JARID2: variants seen among roughly 807,000 people sequenced by gnomAD.
The protein encoded by JARID2 is jumonji and AT-rich interaction domain containing 2.
Under a neutral mutation model 125.6 loss-of-function variants are expected in JARID2, and 21 were observed. The observed-to-expected ratio is 0.17, with a 90% CI of 0.12 to 0.24. The LOEUF is 0.24. JARID2 is among the 10% of genes least tolerant of loss of function. The pLI, the probability that JARID2 is intolerant of heterozygous loss-of-function variation, is 1.00. For synonymous variants in JARID2, 736 were observed against 661.6 expected (o/e 1.11, Z -1.73); for missense variants, 1,303 against 1,639.6 (o/e 0.79, Z 3.55).
intron 1 of JARID2, among the ~76,000 whole-genome samples, chr6:15,358,794 G>C (rs1763692697): frequency 6.6e-6 from 1 of 152,206 alleles, no homozygotes; most frequent in Non-Finnish European, 1.5e-5. Flanking sequence ...ACGCGTACCA[G>C]TCTTGATGTT....
rs190175755 is a variant in JARID2, at chr6:15,335,202, C to T, written c.46-38915C>T. ...GCAACCTCCGTCTCGTGGCTTCAAGCGATTCTCATGCCTCAGCCTCCCAAG... is the reference window on the plus strand; with the variant it reads ...GCAACCTCCGTCTCGTGGCTTCAAGTGATTCTCATGCCTCAGCCTCCCAAG... On this transcript the variant is annotated intron_variant, in intron 1 of 17. Coordinates refer to ENST00000341776, the MANE Select transcript of JARID2 (RefSeq NM_004973.4). Among the ~76,000 whole-genome samples the T allele has an allele frequency of 1.9e-3, 293 of 152,282 alleles. 2 individuals carry two copies. The highest frequency in any genetic ancestry group is 6.6e-3 in the African/African-American group (276 of 41,532).
intron 12 of JARID2, chr6:15,509,032 C>T (rs910870968): frequency 7.2e-5 from 93 of 1,289,196 alleles, no homozygotes; most frequent in Non-Finnish European, 8.8e-5. Context: ...TTGGGAATCT[C>T]GTTCCTGCCA....
intron 2 of JARID2, among the ~76,000 whole-genome samples, chr6:15,401,694 A>G (rs568763663): frequency 1.3e-5 from 2 of 152,308 alleles, no homozygotes; most frequent in South Asian, 4.1e-4. Context: ...AATTTCGTGC[A>G]TTAATTCATG....
intron 3 of JARID2, among the ~76,000 whole-genome samples, chr6:15,445,930 G>A (rs969744756): frequency 3.3e-5 from 5 of 152,194 alleles, no homozygotes; most frequent in South Asian, 2.1e-4. Context: ...TATTCTTAAC[G>A]AAACTGAATT....
intron 9 of JARID2, 69 bp from the exon 10 acceptor site, chr6:15,507,067 T>G: frequency 1.0e-6 from 1 of 952,650 alleles, no homozygotes; most frequent in Non-Finnish European, 1.7e-6. Context: ...CCAGTTTTGT[T>G]GGGTTGAACT....
intron 1 of JARID2, among the ~76,000 whole-genome samples, chr6:15,316,106 T>C (rs1762172084): frequency 2.0e-5 from 3 of 152,098 alleles, no homozygotes; most frequent in African/African-American, 7.2e-5. Context: ...TGAAAACATG[T>C]GTGAAATACA....
At chr6:15,406,281 A>G (rs908416487) in intron 2 of JARID2, among the ~76,000 whole-genome samples, 1 of 152,148 alleles carries the variant, frequency 6.6e-6, no homozygotes, top group Non-Finnish European at 1.5e-5. Flanking sequence ...TAAAATTACA[A>G]AAATTAGCTG....
chr6:15,430,730 T>A (rs191363600), intron 3 of JARID2, among the ~76,000 whole-genome samples: 130 of 152,296 alleles, frequency 8.5e-4, no homozygotes, highest in African/African-American at 3.1e-3. Flanking sequence ...TGGGGCATGC[T>A]TTCCAGTCCA....
At chr6:15,464,325 C>T (rs1768604366) in intron 4 of JARID2, among the ~76,000 whole-genome samples, 1 of 152,204 alleles carries the variant, frequency 6.6e-6, no homozygotes, top group Non-Finnish European at 1.5e-5. Flanking sequence ...ATGGCATGTG[C>T]AGCGTTAGAC....
At chr6:15,311,554 G>T (rs1762012233) in intron 1 of JARID2, among the ~76,000 whole-genome samples, 1 of 152,130 alleles carries the variant, frequency 6.6e-6, no homozygotes, top group Admixed American at 6.5e-5. Context: ...CTCCAGCCTG[G>T]GCAACAAGAG....
intron 12 of JARID2, 67 bp from the exon 13 acceptor site, chr6:15,511,229 T>C: frequency 9.3e-7 from 1 of 1,070,658 alleles, no homozygotes; most frequent in Non-Finnish European, 1.5e-6. Context: ...GTGACGGGGG[T>C]GGCCCAGTAC....
chr6:15,350,258 G>T lies in JARID2; in HGVS notation c.46-23859G>T, dbSNP rs532754434. ...GAATCATGATCAATAAGATCTAAGGGACTGGGAAACCAATATGCTGTTATT... is the reference window on the plus strand; with the variant it reads ...GAATCATGATCAATAAGATCTAAGGTACTGGGAAACCAATATGCTGTTATT... On this transcript the variant is annotated intron_variant, in intron 1 of 17. Transcript: ENST00000341776. Among the ~76,000 whole-genome samples, 14 of 152,254 alleles carry T rather than the reference G, an allele frequency of 9.2e-5. No homozygotes were observed. The South Asian group carries it at 2.9e-3, about 32-fold the overall frequency.
chr6:15,272,536 T>G (rs985805399), intron 1 of JARID2, among the ~76,000 whole-genome samples: 1 of 152,248 alleles, frequency 6.6e-6, no homozygotes, highest in Non-Finnish European at 1.5e-5. Flanking sequence ...ACGTATTCAC[T>G]TCTTACCACA....
At chr6:15,282,158 G>C (rs903382507) in intron 1 of JARID2, among the ~76,000 whole-genome samples, 1 of 151,976 alleles carries the variant, frequency 6.6e-6, no homozygotes, top group Non-Finnish European at 1.5e-5. Context: ...GCCCAGGCTG[G>C]TCTTGAACTC....
chr6:15,424,931 C>T lies in JARID2; in HGVS notation c.323+14566C>T, dbSNP rs183792900. On this transcript the variant is annotated intron_variant, in intron 3 of 17. Transcript: ENST00000341776. ...CATAGCATTTATGATGTGCTGTCCACTTCCACTGTTTTACATTCCTTACAT... is the reference window on the plus strand; with the variant it reads ...CATAGCATTTATGATGTGCTGTCCATTTCCACTGTTTTACATTCCTTACAT... Among the ~76,000 whole-genome samples the T allele has an allele frequency of 1.1e-4, 17 of 152,342 alleles. 1 individual carries two copies. The South Asian group carries it at 3.3e-3, about 30-fold the overall frequency.
chr6:15,256,850 A>G (rs531352524), intron 1 of JARID2, among the ~76,000 whole-genome samples: 1 of 152,318 alleles, frequency 6.6e-6, no homozygotes, highest in Non-Finnish European at 1.5e-5. Context: ...ATTGTAGGTC[A>G]ATGTTAATGT....
At chr6:15,425,953 G>A (rs558768561) in intron 3 of JARID2, among the ~76,000 whole-genome samples, 6 of 152,134 alleles carry the variant, frequency 3.9e-5, no homozygotes, top group Admixed American at 3.9e-4. Context: ...GCTTTTCTGG[G>A]TAAGTCAGTC....
chr6:15,425,509 C>G (rs936802298), intron 3 of JARID2, among the ~76,000 whole-genome samples: 2 of 152,122 alleles, frequency 1.3e-5, no homozygotes, highest in African/African-American at 4.8e-5. Flanking sequence ...GTCATGAGGG[C>G]TGCACCCTCT....
chr6:15,421,787 A>T (rs1041765629), intron 3 of JARID2, among the ~76,000 whole-genome samples: 3 of 152,016 alleles, frequency 2.0e-5, no homozygotes, highest in Admixed American at 2.0e-4. Context: ...GTAGGTCTGA[A>T]TTTTCAGGTG....
Sources: allele counts gnomAD v4.1 joint callset (sites outside exome capture counted in the v4.1 genomes callset), GRCh38; gene constraint gnomAD v4.1.1; transcripts MANE v1.5; gene names NCBI Gene and HGNC (gene_info 2026-07-23, HGNC 2026-07-21).